Variants in NEK10 observed in about 807,000 individuals in gnomAD.
The protein encoded by NEK10 is serine/threonine-protein kinase Nek10.
NEK10 carries 122 observed loss-of-function variants against 159.8 expected under a neutral mutation model. The observed-to-expected ratio is 0.76, with a 90% CI of 0.66 to 0.89. The LOEUF (loss-of-function observed/expected upper bound fraction) is 0.89. Among genes scored for constraint, NEK10 ranks in the 40% least tolerant of loss-of-function variants. NEK10 has a pLI of 0.00. For synonymous variants in NEK10, 466 were observed against 457.1 expected, an observed-to-expected ratio of 1.02 and a Z score of -0.25; for missense variants, 1,342 against 1,323.1, an observed-to-expected ratio of 1.01 and a Z score of -0.22.
intron 3 of NEK10, among the ~76,000 whole-genome samples, chr3:27,349,533 C>T (rs542375082): frequency 3.2e-4 from 49 of 152,144 alleles, no homozygotes; most frequent in Admixed American, 2.0e-3. Flanking sequence ...ATGCCTTATA[C>T]GTGTTCTTTC....
chr3:27,130,132 C>G (rs780769385), intron 32 of NEK10, among the ~76,000 whole-genome samples: 1 of 152,094 alleles, frequency 6.6e-6, no homozygotes, highest in Non-Finnish European at 1.5e-5. Flanking sequence ...TAGGGCCTTT[C>G]CCTACCTAAA....
chr3:27,218,100 A>T (rs991158371), intron 23 of NEK10, among the ~76,000 whole-genome samples: 13 of 152,234 alleles, frequency 8.5e-5, no homozygotes, highest in Non-Finnish European at 1.2e-4. Context: ...CTAAGTGACT[A>T]CTGTGTAGAT....
intron 25 of NEK10, chr3:27,194,155 T>G (rs1277056225): frequency 8.2e-5 from 12 of 147,082 alleles, no homozygotes; most frequent in Admixed American, 7.6e-4. Flanking sequence ...AGACGGAGTC[T>G]CGCTCTGTCG....
intron 26 of NEK10, among the ~76,000 whole-genome samples, chr3:27,191,422 C>G (rs2148974872): frequency 6.6e-6 from 1 of 152,192 alleles, no homozygotes; most frequent in East Asian, 1.9e-4. Flanking sequence ...AAATAAGAGA[C>G]AGCAACAAGA....
chr3:27,326,862 C>G (rs923975705), intron 5 of NEK10, among the ~76,000 whole-genome samples: 8 of 152,154 alleles, frequency 5.3e-5, no homozygotes, highest in Non-Finnish European at 2.9e-5. Flanking sequence ...AGCCCTTAAC[C>G]CACTGCAAGG....
intron 29 of NEK10, among the ~76,000 whole-genome samples, chr3:27,165,345 A>G (rs1450748000): frequency 6.6e-6 from 1 of 152,220 alleles, no homozygotes; most frequent in African/African-American, 2.4e-5. Context: ...TCACAGATGG[A>G]CAAATGGTTG....
At chr3:27,342,979 T>C (rs994124572) in intron 5 of NEK10, among the ~76,000 whole-genome samples, 4 of 152,202 alleles carry the variant, frequency 2.6e-5, no homozygotes, top group African/African-American at 4.8e-5. Context: ...GAATGTGTAA[T>C]CGAGAACTGA....
chr3:27,237,240 T>A (rs1323820063), intron 23 of NEK10, among the ~76,000 whole-genome samples: 2 of 152,188 alleles, frequency 1.3e-5, no homozygotes, highest in African/African-American at 4.8e-5. Flanking sequence ...GTGCACTGAT[T>A]TCATATTGTT....
At chr3:27,280,837 A>G (rs2042099166) in intron 22 of NEK10, among the ~76,000 whole-genome samples, 1 of 151,996 alleles carries the variant, frequency 6.6e-6, no homozygotes, top group Non-Finnish European at 1.5e-5. Flanking sequence ...CAGGAATAAA[A>G]CATGTATATA....
intron 5 of NEK10, among the ~76,000 whole-genome samples, chr3:27,330,038 T>C (rs558240847): frequency 1.6e-5 from 2 of 125,942 alleles, no homozygotes; most frequent in African/African-American, 4.9e-5. Context: ...AAATGCTATG[T>C]AAGTACTTTT....
In NEK10 at chr3:27,284,630, C is replaced by G; in HGVS notation, c.1986G>C (p.Met662Ile). The G allele has an allele frequency of 1.2e-6, 2 of 1,601,762 alleles. No homozygotes were observed. The highest frequency in any genetic ancestry group is 1.7e-6 in the Non-Finnish European group (2 of 1,168,786). The change falls in exon 22 of 36, where the codon ATG becomes ATC. Residue 662 changes from methionine (M) to isoleucine (I), a missense_variant. Met to Ile is a conservative substitution (Grantham distance 10). Transcript: ENST00000691995. Reference sequence around the variant, plus strand: ...CGGTTACTTTGTCCTTATCCCCCAACATAATGTTGTTTGGTGTCAGATCTC... The same window carrying G: ...CGGTTACTTTGTCCTTATCCCCCAAGATAATGTTGTTTGGTGTCAGATCTC... ...VHRDLTPNNI[M>I]LGDKDKVTVT...
chr3:27,284,030 A>G (rs2042392286), intron 22 of NEK10, among the ~76,000 whole-genome samples: 1 of 152,184 alleles, frequency 6.6e-6, no homozygotes, highest in Admixed American at 6.5e-5. Flanking sequence ...GTCATTTAGA[A>G]CTATACTAGT....
intron 15 of NEK10, among the ~76,000 whole-genome samples, chr3:27,294,722 A>G (rs610118): frequency 0.2 from 30,781 of 151,956 alleles, 6,162 homozygotes; most frequent in African/African-American, 0.52. Flanking sequence ...CTCTTAAATC[A>G]GATTGGAGAC....
chr3:27,227,870 G>A (rs1952800580), intron 23 of NEK10, among the ~76,000 whole-genome samples: 1 of 152,214 alleles, frequency 6.6e-6, no homozygotes, highest in Non-Finnish European at 1.5e-5. Flanking sequence ...GGCCACTCTT[G>A]AGTGGTATAA....
intron 23 of NEK10, among the ~76,000 whole-genome samples, chr3:27,204,301 G>GTTTT (rs567092116): frequency 9.8e-4 from 65 of 66,324 alleles, no homozygotes; most frequent in East Asian, 1.8e-3. Flanking sequence ...TTTTGTTGTT[G>GTTTT]TTTTTTTTTT....
chr3:27,239,737 G>C (rs1485088551), intron 23 of NEK10, among the ~76,000 whole-genome samples: 1 of 152,134 alleles, frequency 6.6e-6, no homozygotes, highest in Non-Finnish European at 1.5e-5. Flanking sequence ...GGGAAAAAAG[G>C]CTTAAAATAA....
At chr3:27,255,494 G>A (rs1559370007) in intron 23 of NEK10, among the ~76,000 whole-genome samples, 1 of 100,940 alleles carries the variant, frequency 9.9e-6, no homozygotes, top group Non-Finnish European at 1.8e-5. Context: ...TACAACTATA[G>A]GCTAGATTTA....
intron 22 of NEK10, among the ~76,000 whole-genome samples, chr3:27,274,665 G>GCA (rs1437705109): frequency 6.6e-6 from 1 of 151,402 alleles, no homozygotes. Context: ...ACACACACAT[G>GCA]CACACACACA....
At chr3:27,183,334 T>C (rs999028427) in intron 26 of NEK10, among the ~76,000 whole-genome samples, 3 of 149,938 alleles carry the variant, frequency 2.0e-5, no homozygotes, top group African/African-American at 7.3e-5. Context: ...CTTAGCAAAA[T>C]CCATGGGAAA....
Sources: allele counts gnomAD v4.1 joint callset (sites outside exome capture counted in the v4.1 genomes callset), GRCh38; gene constraint gnomAD v4.1.1; transcripts MANE v1.5; gene names NCBI Gene and HGNC (gene_info 2026-07-23, HGNC 2026-07-21).